The following ADK variants were observed in gnomAD, a reference collection of about 807,000 sequenced individuals.
ADK encodes the protein N6,N6-dimethyladenosine kinase.
In ADK, 24 loss-of-function variants were observed where a neutral mutation model predicts 44.7. The ratio of observed to expected loss-of-function variants is 0.54; its 90% CI spans 0.39 to 0.76. The LOEUF (loss-of-function observed/expected upper bound fraction) is 0.76. Among genes scored for constraint, ADK ranks in the 30% least tolerant of loss-of-function variants. The pLI is 0.00. For synonymous variants in ADK, 128 were observed against 142.6 expected (o/e 0.90, Z 0.73); for missense variants, 321 against 425.1 (o/e 0.76, Z 2.15).
At chr10:74,176,744 T>A in intron 1 of ADK, 1 of 1,518,576 alleles carries the variant, frequency 6.6e-7, no homozygotes, top group Non-Finnish European at 8.8e-7. Flanking sequence ...GCGCGCGGGG[T>A]GTGTGAGGAC....
intron 4 of ADK, among the ~76,000 whole-genome samples, chr10:74,393,581 A>G (rs1439710774): frequency 1.3e-5 from 2 of 152,208 alleles, no homozygotes; most frequent in Non-Finnish European, 2.9e-5. Context: ...TATGTTGTTG[A>G]CTATGTGCTG....
intron 9 of ADK, among the ~76,000 whole-genome samples, chr10:74,640,589 A>T (rs1853806793): frequency 6.6e-6 from 1 of 152,246 alleles, no homozygotes. Context: ...CTAATAGACT[A>T]CATGTTTAAA....
chr10:74,388,635 CTTAATT>C (rs1843230165), intron 4 of ADK, among the ~76,000 whole-genome samples: 5 of 151,570 alleles, frequency 3.3e-5, no homozygotes, highest in Admixed American at 2.6e-4. Context: ...ATATTGTTTT[CTTAATT>C]TTAATTTTCA....
chr10:74,330,711 G>C (rs553006816), intron 4 of ADK, among the ~76,000 whole-genome samples: 1 of 152,286 alleles, frequency 6.6e-6, no homozygotes, highest in East Asian at 1.9e-4. Context: ...AGGAACATAA[G>C]CCTTCCAGCG....
chr10:74,168,949 G>A (rs1313622959), intron 1 of ADK, among the ~76,000 whole-genome samples: 4 of 152,072 alleles, frequency 2.6e-5, no homozygotes, highest in African/African-American at 7.2e-5. Flanking sequence ...ATATAGGACC[G>A]GTGTGGTGGC....
intron 6 of ADK, among the ~76,000 whole-genome samples, chr10:74,422,712 A>G (rs538675790): frequency 2.0e-5 from 3 of 152,334 alleles, no homozygotes; most frequent in South Asian, 4.1e-4. Context: ...GAAAACATAC[A>G]ATATAAAATA....
intron 3 of ADK, among the ~76,000 whole-genome samples, chr10:74,311,933 C>T (rs777604729): frequency 1.2e-4 from 18 of 151,782 alleles, no homozygotes; most frequent in Admixed American, 2.0e-4. Flanking sequence ...TTTGGGAGTC[C>T]GAGGCAGGCA....
rs547204444 is a variant in ADK at position 74,660,620 on chromosome 10, C to T, written c.878-9563C>T. Reference sequence around the variant, plus strand: ...TGGCATGCGCCTGTAATCCCAGCTACCTGGGAGTCTGAGATAGGAGGATCA... The same window carrying T: ...TGGCATGCGCCTGTAATCCCAGCTATCTGGGAGTCTGAGATAGGAGGATCA... On this transcript the variant is annotated intron_variant, in intron 9 of 10. Coordinates refer to ENST00000539909, the MANE Select transcript of ADK (RefSeq NM_006721.4). Among the ~76,000 whole-genome samples, 14 of 151,392 alleles carry T rather than the reference C, an allele frequency of 9.2e-5. No homozygotes were observed. In the South Asian group the frequency reaches 2.9e-3, roughly 32 times the overall value.
At chr10:74,676,593 C>G (rs963466288) in intron 10 of ADK, among the ~76,000 whole-genome samples, 2 of 152,136 alleles carry the variant, frequency 1.3e-5, no homozygotes, top group Admixed American at 6.5e-5. Flanking sequence ...CCTCCCACCT[C>G]AGTCTCCCGA....
intron 6 of ADK, among the ~76,000 whole-genome samples, chr10:74,403,115 A>C (rs144313111): frequency 0.011 from 1,606 of 152,234 alleles, 30 homozygotes; most frequent in African/African-American, 0.037. Context: ...GCTTTGTCTC[A>C]GAGGGGCGCC....
chr10:74,695,494 G>A (rs1222466289), intron 10 of ADK, among the ~76,000 whole-genome samples: 1 of 150,892 alleles, frequency 6.6e-6, no homozygotes, highest in Non-Finnish European at 1.5e-5. Flanking sequence ...GTGTGTGTGT[G>A]TGTATGTGTG....
chr10:74,372,477 G>A (rs1459379210), intron 4 of ADK: 5 of 313,462 alleles, frequency 1.6e-5, no homozygotes, highest in Admixed American at 5.4e-5. Flanking sequence ...ATAAATGTCA[G>A]TTTAAAAAAA....
intron 9 of ADK, among the ~76,000 whole-genome samples, chr10:74,658,099 G>A (rs1008323909): frequency 1.3e-5 from 2 of 152,140 alleles, no homozygotes; most frequent in African/African-American, 4.8e-5. Context: ...TCATATCCTA[G>A]AGTTAAGAGT....
At chr10:74,343,659 C>T (rs568326661) in intron 4 of ADK, among the ~76,000 whole-genome samples, 17 of 152,190 alleles carry the variant, frequency 1.1e-4, no homozygotes, top group East Asian at 3.9e-4. Flanking sequence ...CCCAGGTTAG[C>T]GTGCAATGGC....
chr10:74,299,428 A>T (rs1391173772), intron 3 of ADK, among the ~76,000 whole-genome samples: 1 of 149,214 alleles, frequency 6.7e-6, no homozygotes, highest in Non-Finnish European at 1.5e-5. Context: ...CGAACCTGGG[A>T]GGTGGAGGAT....
chr10:74,338,503 C>T (rs186029985), intron 4 of ADK, among the ~76,000 whole-genome samples: 29 of 152,278 alleles, frequency 1.9e-4, no homozygotes, highest in African/African-American at 7.0e-4. Flanking sequence ...TTGCCTCAAA[C>T]TGGAAAGAAT....
Position 74,181,835 on chromosome 10 carries a change from C to T in ADK, c.66-18929C>T, listed in dbSNP as rs891787806. ...GGGCATCGCTTACAGCTTGGGTTTG[C>T]GCCAGGGAAGACTAGGAAATGGAGT... On this transcript the variant is annotated intron_variant, in intron 1 of 10. Transcript: ENST00000539909. 4.6e-5 allele frequency among the ~76,000 whole-genome samples: 7 copies of T among 152,220 alleles called. No individual in the cohort carries two copies. In the South Asian group the frequency reaches 6.2e-4, roughly 14 times the overall value.
At chr10:74,286,897 G>C (rs1021891547) in intron 3 of ADK, among the ~76,000 whole-genome samples, 5 of 151,974 alleles carry the variant, frequency 3.3e-5, no homozygotes, top group African/African-American at 1.2e-4. Flanking sequence ...ATGTTGCCCA[G>C]GCTTGTCTCG....
chr10:74,626,097 A>G (rs1265738116), intron 9 of ADK, among the ~76,000 whole-genome samples: 1 of 152,190 alleles, frequency 6.6e-6, no homozygotes. Context: ...TAGACTCTAG[A>G]AATAGATGTT....
Sources: gnomAD v4.1 joint callset for allele counts (sites outside exome capture counted in the v4.1 genomes callset) on GRCh38, gnomAD v4.1.1 for gene constraint, MANE v1.5 for transcripts, NCBI Gene and HGNC (gene_info 2026-07-23, HGNC 2026-07-21) for gene names.